The following ATRNL1 variants were observed in gnomAD, a reference collection of about 807,000 sequenced individuals.
ATRNL1 encodes attractin-like protein 1.
ATRNL1 carries 95 observed loss-of-function variants against 182.7 expected under a neutral mutation model. That is an observed-to-expected ratio of 0.52 (90% CI 0.44 to 0.62). The LOEUF (loss-of-function observed/expected upper bound fraction) is 0.62. ATRNL1 is among the 20% of genes least tolerant of loss of function. ATRNL1 has a pLI of 0.00. For missense variants in ATRNL1, 1,471 were observed against 1,679.5 expected (o/e 0.88, Z 2.17); for synonymous variants, 576 against 568.3 (o/e 1.01, Z -0.19).
chr10:115,430,610 T>C (rs548689685), intron 21 of ATRNL1, among the ~76,000 whole-genome samples: 3 of 152,336 alleles, frequency 2.0e-5, no homozygotes, highest in Non-Finnish European at 4.4e-5. Context: ...TCCCAGGTAA[T>C]AAGTGCAGTA....
chr10:115,442,299 C>CTCTCTCTCTCTCTCTCTCTCTCTCTCTT (rs1846731518), intron 21 of ATRNL1, among the ~76,000 whole-genome samples: 2 of 131,410 alleles, frequency 1.5e-5, no homozygotes, highest in African/African-American at 5.3e-5. Context: ...CTCTCTCTCT[C>CTCTCTCTCTCTCTCTCTCTCTCTCTCTT]TCTCTGTGTG....
At chr10:115,702,225 A>G (rs1946759885) in intron 26 of ATRNL1, among the ~76,000 whole-genome samples, 2 of 152,032 alleles carry the variant, frequency 1.3e-5, no homozygotes, top group Admixed American at 1.3e-4. Flanking sequence ...ACATCCCTTC[A>G]TGATAAAAAT....
intron 20 of ATRNL1, among the ~76,000 whole-genome samples, chr10:115,410,279 C>G (rs1462319536): frequency 1.3e-5 from 2 of 149,868 alleles, no homozygotes; most frequent in Non-Finnish European, 3.0e-5. Context: ...TTTCATTTAT[C>G]AGTTTGGAGA....
Position 115,731,699 on chromosome 10 carries a change from T to C in ATRNL1, c.3903+4344T>C, listed in dbSNP as rs1467355749. Among the ~76,000 whole-genome samples the C allele has an allele frequency of 3.3e-5, 5 of 150,938 alleles. No homozygotes were observed. In the South Asian group the frequency reaches 1.0e-3, roughly 31 times the overall value. ...ATATATATAATGCACTGATTTTTGG[T>C]ATATATACAGTTATGTAACCACCAC... On this transcript the variant is annotated intron_variant, in intron 27 of 28. Coordinates refer to ENST00000355044, the MANE Select transcript of ATRNL1 (RefSeq NM_207303.4).
chr10:115,475,600 C>T (rs908129830), intron 24 of ATRNL1, among the ~76,000 whole-genome samples: 5 of 151,358 alleles, frequency 3.3e-5, no homozygotes, highest in African/African-American at 7.3e-5. Flanking sequence ...CTCTGAGCTT[C>T]AATTACCCAA....
chr10:115,861,530 T>A (rs1951316321), intron 28 of ATRNL1, among the ~76,000 whole-genome samples: 1 of 152,178 alleles, frequency 6.6e-6, no homozygotes, highest in Non-Finnish European at 1.5e-5. Flanking sequence ...TTAAAAATGA[T>A]AAACCACCCT....
rs551163643 is a variant in ATRNL1 at position 115,864,851 on chromosome 10, A to G, written c.4018+16860A>G. ...CAAAAAATTAGCCAGGCGTGGTGGC[A>G]GGTGCCTGTAGTCCCAGCTACTTGG... On this transcript the variant is annotated intron_variant, in intron 28 of 28. Transcript: ENST00000355044. 1.9e-3 allele frequency among the ~76,000 whole-genome samples: 288 copies of G among 152,174 alleles called. 2 individuals are homozygous for G. Among genetic ancestry groups the G allele is most frequent in the African/African-American group, 6.4e-3 (267 of 41,538 alleles).
At chr10:115,772,378 T>G (rs1949014167) in intron 27 of ATRNL1, among the ~76,000 whole-genome samples, 1 of 152,118 alleles carries the variant, frequency 6.6e-6, no homozygotes, top group Admixed American at 6.5e-5. Context: ...AACGTGAACT[T>G]TATTAGGTAT....
intron 26 of ATRNL1, among the ~76,000 whole-genome samples, chr10:115,698,306 T>C (rs1946625810): frequency 6.6e-6 from 1 of 152,166 alleles, no homozygotes; most frequent in South Asian, 2.1e-4. Context: ...TGGATTTATA[T>C]CCACATGATT....
chr10:115,100,736 A>C (rs1843738535), intron 1 of ATRNL1, among the ~76,000 whole-genome samples: 1 of 152,074 alleles, frequency 6.6e-6, no homozygotes, highest in Non-Finnish European at 1.5e-5. Context: ...TTGTATTTCC[A>C]TATGAATTTT....
At chr10:115,352,904 T>TA (rs1334019634) in intron 19 of ATRNL1, among the ~76,000 whole-genome samples, 2 of 152,020 alleles carry the variant, frequency 1.3e-5, no homozygotes, top group African/African-American at 4.8e-5. Context: ...ACTCTGTCTT[T>TA]AAAAAAACAA....
At chr10:115,677,461 T>C (rs1945900400) in intron 26 of ATRNL1, among the ~76,000 whole-genome samples, 1 of 152,040 alleles carries the variant, frequency 6.6e-6, no homozygotes, top group Non-Finnish European at 1.5e-5. Flanking sequence ...TCCCACGTGT[T>C]GTGGGAGGGA....
chr10:115,499,397 A>G (rs1044228231), intron 24 of ATRNL1, among the ~76,000 whole-genome samples: 7 of 152,184 alleles, frequency 4.6e-5, no homozygotes, highest in Non-Finnish European at 1.0e-4. Flanking sequence ...AAGAGTTTTT[A>G]CTTTGAACAT....
chr10:115,720,836 C>T (rs1196597454), intron 26 of ATRNL1, among the ~76,000 whole-genome samples: 1 of 152,188 alleles, frequency 6.6e-6, no homozygotes, highest in Non-Finnish European at 1.5e-5. Context: ...AGGAATGTGT[C>T]AGTAATTCTA....
intron 13 of ATRNL1, among the ~76,000 whole-genome samples, chr10:115,278,574 T>C (rs1365221336): frequency 6.6e-6 from 1 of 152,242 alleles, no homozygotes; most frequent in Admixed American, 6.5e-5. Flanking sequence ...TGTGTTTGGC[T>C]GAAGCTCAGC....
chr10:115,912,324 ATGAC>A (rs1352936989), intron 28 of ATRNL1, among the ~76,000 whole-genome samples: 1 of 152,202 alleles, frequency 6.6e-6, no homozygotes, highest in Non-Finnish European at 1.5e-5. Context: ...ACTAATAAAA[ATGAC>A]TGTAGTCTAA....
At chr10:115,697,597 A>T (rs1221195011) in intron 26 of ATRNL1, among the ~76,000 whole-genome samples, 3 of 152,170 alleles carry the variant, frequency 2.0e-5, no homozygotes, top group South Asian at 4.1e-4. Context: ...AAGTGTTAGG[A>T]TTACAGGCAT....
At chr10:115,538,497 T>C in intron 25 of ATRNL1, among the ~76,000 whole-genome samples, 1 of 152,248 alleles carries the variant, frequency 6.6e-6, no homozygotes, top group Admixed American at 6.5e-5. Flanking sequence ...TTCATTTTCT[T>C]TGGTGAAGTA....
In ATRNL1 at chr10:115,942,744, G is replaced by A. The variant is rs113343747; in HGVS notation, c.4019-1914G>A. Among the ~76,000 whole-genome samples the A allele has an allele frequency of 4.5e-3, 686 of 152,320 alleles. 3 individuals carry two copies. The highest frequency in any genetic ancestry group is 0.013 in the African/African-American group (524 of 41,582). On this transcript the variant is annotated intron_variant, in intron 28 of 28. Coordinates refer to ENST00000355044, the MANE Select transcript of ATRNL1 (RefSeq NM_207303.4). ...CAAGTCTTCAAGACCTTGTAGAAAG[G>A]AAAATGAGCCAAAAGTCCTTTTGTG... is the stretch of plus-strand genomic sequence containing the variant.
Sources: allele counts gnomAD v4.1 joint callset (sites outside exome capture counted in the v4.1 genomes callset), GRCh38; gene constraint gnomAD v4.1.1; transcripts MANE v1.5; gene names NCBI Gene and HGNC (gene_info 2026-07-23, HGNC 2026-07-21).